Variants in SYN3 observed in about 807,000 individuals in gnomAD.
SYN3 encodes the protein synapsin-3.
Under a neutral mutation model 65.8 loss-of-function variants are expected in SYN3, and 35 were observed. That is an observed-to-expected ratio of 0.53 (90% CI 0.41 to 0.70). The LOEUF is 0.70. Among genes scored for constraint, SYN3 ranks in the 30% least tolerant of loss-of-function variants. SYN3 has a pLI of 0.00. For missense variants in SYN3, 680 were observed against 749.0 expected (o/e 0.91, Z 1.08); for synonymous variants, 270 against 292.9 (o/e 0.92, Z 0.80).
chr22:32,947,128 G>GACCCAGT (rs2051137386), intron 3 of SYN3, among the ~76,000 whole-genome samples: 4 of 152,150 alleles, frequency 2.6e-5, no homozygotes, highest in Non-Finnish European at 4.4e-5. Context: ...CCCAGTGTAT[G>GACCCAGT]GCCTTAAGCA....
chr22:32,970,482 GA>G lies in SYN3; in HGVS notation c.369+10162del, dbSNP rs59641890. Among the ~76,000 whole-genome samples the G allele has an allele frequency of 7.3e-3, 702 of 96,196 alleles. 3 individuals are homozygous for G. The highest frequency in any genetic ancestry group is 0.012 in the Admixed American group (98 of 7,898). 63.1% of individuals were successfully genotyped at this position (96,196 alleles called of 152,430 possible). A position where few individuals can be genotyped will look rare whatever the true frequency, so the allele number is the denominator to read the frequency against. Reference sequence around the variant, plus strand: ...CATAGCAAGACCCCGTCTCTATTTGGAAAAAAAAAAAAAAAGATATCACGCC... The same window carrying G: ...CATAGCAAGACCCCGTCTCTATTTGGAAAAAAAAAAAAAAGATATCACGCC... On this transcript the variant is annotated intron_variant, in intron 3 of 13. Coordinates refer to ENST00000358763, the MANE Select transcript of SYN3 (RefSeq NM_003490.4).
At chr22:32,642,710 G>A (rs1362852020) in intron 6 of SYN3, among the ~76,000 whole-genome samples, 1 of 152,058 alleles carries the variant, frequency 6.6e-6, no homozygotes, top group Admixed American at 6.6e-5. Flanking sequence ...TTACAAGCGT[G>A]AGCCACCGTA....
At chr22:32,784,536 C>T (rs1041784391) in intron 6 of SYN3, among the ~76,000 whole-genome samples, 3 of 152,198 alleles carry the variant, frequency 2.0e-5, no homozygotes, top group Admixed American at 2.0e-4. Flanking sequence ...AACTGCAGCC[C>T]TGGCTGACAT....
At chr22:32,701,475 T>TA (rs11384246) in intron 6 of SYN3, among the ~76,000 whole-genome samples, 83,009 of 151,886 alleles carry the variant, frequency 0.55, 23,813 homozygotes, top group African/African-American at 0.72. Flanking sequence ...CAAGAAATTA[T>TA]AAGAAGGTTG....
chr22:32,915,578 A>AG (rs908956665), intron 4 of SYN3, among the ~76,000 whole-genome samples: 5 of 152,214 alleles, frequency 3.3e-5, no homozygotes, highest in African/African-American at 9.6e-5. Context: ...GTTAATATCT[A>AG]GGGGAAAAGC....
chr22:32,714,993 T>C (rs1419871515), intron 6 of SYN3, among the ~76,000 whole-genome samples: 3 of 152,216 alleles, frequency 2.0e-5, no homozygotes, highest in Admixed American at 2.0e-4. Flanking sequence ...AAGTATGTTC[T>C]GCGGAGCGCT....
At chr22:32,823,683 C>T (rs1284942752) in intron 6 of SYN3, among the ~76,000 whole-genome samples, 3 of 151,970 alleles carry the variant, frequency 2.0e-5, no homozygotes, top group African/African-American at 7.2e-5. Flanking sequence ...CAGGAAGAAG[C>T]TTGGTGGGCT....
intron 6 of SYN3, among the ~76,000 whole-genome samples, chr22:32,809,516 C>T (rs2046855416): frequency 6.6e-6 from 1 of 152,184 alleles, no homozygotes. Flanking sequence ...GGTTCCCAGA[C>T]TTTTCAACAC....
intron 3 of SYN3, among the ~76,000 whole-genome samples, chr22:32,972,911 G>A (rs1161035146): frequency 6.6e-6 from 1 of 151,994 alleles, no homozygotes; most frequent in African/African-American, 2.4e-5. Flanking sequence ...TGGGAGGCTG[G>A]AGTGGGAGGA....
chr22:32,565,354 A>T (rs563976175), intron 7 of SYN3, among the ~76,000 whole-genome samples: 11 of 152,338 alleles, frequency 7.2e-5, no homozygotes, highest in African/African-American at 2.6e-4. Flanking sequence ...TATAATTACA[A>T]GTTTTCTATT....
intron 1 of SYN3, among the ~76,000 whole-genome samples, chr22:33,032,817 C>T (rs944774435): frequency 1.3e-5 from 2 of 152,118 alleles, no homozygotes; most frequent in Non-Finnish European, 1.5e-5. Flanking sequence ...CAACACCACC[C>T]GCCCCAGCTT....
intron 1 of SYN3, among the ~76,000 whole-genome samples, chr22:33,051,432 G>T (rs750771497): frequency 1.3e-5 from 2 of 152,060 alleles, no homozygotes; most frequent in Non-Finnish European, 2.9e-5. Flanking sequence ...CAGCTGCTCT[G>T]CTCCCCTCTC....
intron 3 of SYN3, 48 bp from the exon 4 acceptor site, chr22:32,931,529 G>T (rs771808787): frequency 1.5e-6 from 2 of 1,320,442 alleles, no homozygotes; most frequent in South Asian, 1.2e-5. Context: ...TACCAACGGT[G>T]GTAACAACGG....
At chr22:32,667,762 G>C (rs1263296074) in intron 6 of SYN3, among the ~76,000 whole-genome samples, 2 of 151,768 alleles carry the variant, frequency 1.3e-5, no homozygotes, top group Non-Finnish European at 2.9e-5. Context: ...GATCGGGGAA[G>C]GCTTCCAAGA....
chr22:32,555,207 C>A (rs927807184), intron 7 of SYN3, among the ~76,000 whole-genome samples: 1 of 152,158 alleles, frequency 6.6e-6, no homozygotes, highest in Non-Finnish European at 1.5e-5. Context: ...CTGAAACTCA[C>A]AAGCTGTAAC....
intron 7 of SYN3, among the ~76,000 whole-genome samples, chr22:32,581,560 C>CTG (rs2058942104): frequency 6.6e-6 from 1 of 152,156 alleles, no homozygotes; most frequent in Non-Finnish European, 1.5e-5. Context: ...CAATGGTCCC[C>CTG]TATACAGAGA....
intron 1 of SYN3, among the ~76,000 whole-genome samples, chr22:33,050,479 CAAAAAA>C (rs58653594): frequency 9.2e-6 from 1 of 108,528 alleles, no homozygotes; most frequent in Non-Finnish European, 1.8e-5. Context: ...GAGACTGTTT[CAAAAAA>C]AAAAAAAAAA....
chr22:32,555,664 T>G (rs1228110062), intron 7 of SYN3, among the ~76,000 whole-genome samples: 1 of 152,222 alleles, frequency 6.6e-6, no homozygotes. Context: ...CTCTGTGGCC[T>G]TTCTTTCTGG....
intron 6 of SYN3, among the ~76,000 whole-genome samples, chr22:32,685,622 A>G (rs1676844730): frequency 2.6e-5 from 4 of 152,248 alleles, no homozygotes; most frequent in East Asian, 1.9e-4. Flanking sequence ...AACAGGCTGT[A>G]TCATCTAGCC....
Sources: allele counts gnomAD v4.1 joint callset (sites outside exome capture counted in the v4.1 genomes callset), GRCh38; gene constraint gnomAD v4.1.1; transcripts MANE v1.5; gene names NCBI Gene and HGNC (gene_info 2026-07-23, HGNC 2026-07-21).